Variants in MAST4 observed in about 807,000 individuals in gnomAD.
The protein encoded by MAST4 is microtubule associated serine/threonine kinase family member 4.
Under a neutral mutation model 162.7 loss-of-function variants are expected in MAST4, and 89 were observed. The ratio of observed to expected loss-of-function variants is 0.55; its 90% CI spans 0.46 to 0.65. The LOEUF (loss-of-function observed/expected upper bound fraction) is 0.65, where lower values mean the gene tolerates loss of function less well. Ranked by LOEUF, MAST4 falls within the 30% of genes least tolerant of loss-of-function variation. The probability of loss-of-function intolerance (pLI) is 0.00; values close to 1 mark genes in which losing one functional copy is unlikely to be tolerated. For synonymous variants in MAST4, 1,479 were observed against 1,361.1 expected (o/e 1.09, Z -1.91); for missense variants, 3,153 against 3,374.0 (o/e 0.93, Z 1.62).
In MAST4 at chr5:66,654,746, G is replaced by A. The variant is rs1746442272; in HGVS notation, c.363+57728G>A. Among the ~76,000 whole-genome samples the A allele has an allele frequency of 2.0e-5, 3 of 152,106 alleles. No homozygotes were observed. The South Asian group carries it at 6.2e-4, about 32-fold the overall frequency. On this transcript the variant is annotated intron_variant, in intron 1 of 28. Transcript: ENST00000403625. The stretch of plus-strand genomic sequence containing the variant: ...AGAATTATGTTAAGATTGTTTTTAA[G>A]CAGGAAACAAACAAGATTCAGCTCA...
At chr5:66,955,666 A>G (rs976269867) in intron 4 of MAST4, among the ~76,000 whole-genome samples, 1 of 152,188 alleles carries the variant, frequency 6.6e-6, no homozygotes, top group Non-Finnish European at 1.5e-5. Context: ...TATATGTATT[A>G]CTTCATATGT....
At chr5:66,750,603 C>T (rs889897007) in intron 1 of MAST4, among the ~76,000 whole-genome samples, 68 of 152,220 alleles carry the variant, frequency 4.5e-4, no homozygotes, top group African/African-American at 1.4e-3. Flanking sequence ...TAAAAAACGG[C>T]GCACCAGGAG....
At chr5:66,628,273 T>C (rs1284446328) in intron 1 of MAST4, among the ~76,000 whole-genome samples, 2 of 151,976 alleles carry the variant, frequency 1.3e-5, no homozygotes, top group African/African-American at 4.8e-5. Flanking sequence ...GGTTCAAGCA[T>C]TCCTCCCGCC....
At chr5:66,772,064 A>G (rs1048333325) in intron 2 of MAST4, among the ~76,000 whole-genome samples, 2 of 152,250 alleles carry the variant, frequency 1.3e-5, no homozygotes, top group African/African-American at 2.4e-5. Flanking sequence ...AGAGATGAGG[A>G]AGCCACAAAC....
At chr5:67,102,326 T>C (rs2150860040) in intron 8 of MAST4, among the ~76,000 whole-genome samples, 1 of 152,350 alleles carries the variant, frequency 6.6e-6, no homozygotes, top group Middle Eastern at 3.4e-3. Flanking sequence ...TCTTGAGCTT[T>C]CTTTTTCAGT....
chr5:67,082,457 A>G (rs1309231714), intron 5 of MAST4, among the ~76,000 whole-genome samples: 2 of 152,154 alleles, frequency 1.3e-5, no homozygotes, highest in Non-Finnish European at 2.9e-5. Context: ...AAAAGTGTCA[A>G]GGGCATTAAG....
intron 4 of MAST4, among the ~76,000 whole-genome samples, chr5:67,002,910 A>G (rs1054497758): frequency 2.0e-5 from 3 of 150,556 alleles, no homozygotes; most frequent in African/African-American, 7.4e-5. Flanking sequence ...CCCAAGGGAC[A>G]TTTGGCAATG....
At chr5:66,614,344 A>G (rs1256512236) in intron 1 of MAST4, among the ~76,000 whole-genome samples, 1 of 152,190 alleles carries the variant, frequency 6.6e-6, no homozygotes, top group Non-Finnish European at 1.5e-5. Flanking sequence ...AGCTACAACC[A>G]TGCTATTAAT....
intron 1 of MAST4, among the ~76,000 whole-genome samples, chr5:66,699,302 T>G (rs971150809): frequency 6.6e-6 from 1 of 152,236 alleles, no homozygotes; most frequent in Admixed American, 6.5e-5. Context: ...CTCAGAAGTT[T>G]CCTGACTGCC....
At chr5:67,095,762 G>T (rs1334791398) in intron 7 of MAST4, 87 bp downstream of exon 7, 2 of 967,386 alleles carry the variant, frequency 2.1e-6, no homozygotes, top group Non-Finnish European at 1.5e-6. Flanking sequence ...GTGTTTCCTG[G>T]TAGGGAGGAG....
At chr5:67,049,354 C>A (rs927214497) in intron 4 of MAST4, among the ~76,000 whole-genome samples, 2 of 151,644 alleles carry the variant, frequency 1.3e-5, no homozygotes, top group African/African-American at 4.8e-5. Context: ...TGTTTCAATC[C>A]CTTCATTGTG....
At chr5:66,674,717 T>G (rs899024286) in intron 1 of MAST4, among the ~76,000 whole-genome samples, 1 of 152,176 alleles carries the variant, frequency 6.6e-6, no homozygotes, top group Non-Finnish European at 1.5e-5. Flanking sequence ...GAAGTGGAGA[T>G]AGTCACTTCT....
intron 23 of MAST4, among the ~76,000 whole-genome samples, chr5:67,147,905 C>G (rs567538509): frequency 6.6e-6 from 1 of 152,276 alleles, no homozygotes; most frequent in South Asian, 2.1e-4. Flanking sequence ...TGAATCTTTT[C>G]CTGTACATAT....
intron 7 of MAST4, among the ~76,000 whole-genome samples, chr5:67,096,323 GT>G (rs1297418979): frequency 6.6e-6 from 1 of 152,094 alleles, no homozygotes; most frequent in Non-Finnish European, 1.5e-5. Context: ...TTAGATGTAT[GT>G]TTTTTTAGTT....
intron 4 of MAST4, among the ~76,000 whole-genome samples, chr5:66,919,660 G>GAAAAAAAAAAA (rs56802433): frequency 1.0e-5 from 1 of 96,930 alleles, no homozygotes. Flanking sequence ...CTCCGTCACA[G>GAAAAAAAAAAA]AAAAAAAAAA....
chr5:66,745,178 G>A (rs1182045054), intron 1 of MAST4, among the ~76,000 whole-genome samples: 1 of 152,190 alleles, frequency 6.6e-6, no homozygotes, highest in Non-Finnish European at 1.5e-5. Context: ...GCTGGATGAA[G>A]TCCCAGCTGT....
intron 4 of MAST4, among the ~76,000 whole-genome samples, chr5:66,940,784 T>A (rs1317768694): frequency 6.6e-6 from 1 of 152,154 alleles, no homozygotes; most frequent in African/African-American, 2.4e-5. Context: ...TAGAAGGTTT[T>A]CAATGTACTT....
chr5:66,652,586 A>C (rs28369144), intron 1 of MAST4, among the ~76,000 whole-genome samples: 1 of 152,140 alleles, frequency 6.6e-6, no homozygotes, highest in African/African-American at 2.4e-5. Context: ...TATCTACCTA[A>C]ATATCCATGT....
At chr5:66,739,000 C>A (rs1243362832) in intron 1 of MAST4, among the ~76,000 whole-genome samples, 5 of 152,032 alleles carry the variant, frequency 3.3e-5, no homozygotes, top group Non-Finnish European at 5.9e-5. Flanking sequence ...CCTTCATTGC[C>A]ATTTTCCTAT....
Sources: gnomAD v4.1 joint callset for allele counts (sites outside exome capture counted in the v4.1 genomes callset) on GRCh38, gnomAD v4.1.1 for gene constraint, MANE v1.5 for transcripts, NCBI Gene and HGNC (gene_info 2026-07-23, HGNC 2026-07-21) for gene names.